ECM2: variants seen among roughly 807,000 people sequenced by gnomAD.
ECM2 encodes extracellular matrix protein 2, female organ and adipocyte specific.
Under a neutral mutation model 67.5 loss-of-function variants are expected in ECM2, and 57 were observed. That is an observed-to-expected ratio of 0.84 (90% CI 0.68 to 1.05). The LOEUF (loss-of-function observed/expected upper bound fraction) is 1.05. Ranked by LOEUF, ECM2 falls within the 50% of genes least tolerant of loss-of-function variation. The pLI is 0.00. For missense variants in ECM2, 741 were observed against 822.8 expected (o/e 0.90, Z 1.22); for synonymous variants, 258 against 294.5 (o/e 0.88, Z 1.27).
chr9:92,540,377 G>A (rs867519460), upstream of ECM2, among the ~76,000 whole-genome samples: 1 of 150,826 alleles, frequency 6.6e-6, no homozygotes, highest in East Asian at 1.9e-4. Flanking sequence ...GGCAAAGGTC[G>A]CAGTGAGTCG....
At position 92,497,988 on chromosome 9, in the gene ECM2, T is replaced by C. The variant is rs533465490; in HGVS notation, c.1932-1505A>G. ...CCTTCCACCATGAGTGGAAGCAGCC[T>C]GAAGGCCCTCACCAGATGCAGATGC... On this transcript the variant is annotated intron_variant, in intron 9 of 9. Transcript: ENST00000344604. Among the ~76,000 whole-genome samples the C allele has an allele frequency of 2.0e-3, 311 of 152,096 alleles. 3 individuals are homozygous for C. Among genetic ancestry groups the C allele is most frequent in the Middle Eastern group, 3.4e-3 (1 of 292 alleles).
the ECM2 span, among the ~76,000 whole-genome samples, chr9:92,549,221 A>G: frequency 2.0e-5 from 3 of 152,186 alleles, no homozygotes; most frequent in African/African-American, 7.2e-5. Context: ...CAGAACTAGA[A>G]TCAATGGACA....
intron 1 of ECM2, among the ~76,000 whole-genome samples, chr9:92,534,801 A>C (rs979430381): frequency 6.6e-6 from 1 of 152,186 alleles, no homozygotes; most frequent in South Asian, 2.1e-4. Flanking sequence ...GCTCTGATGG[A>C]TATCATAAGT....
At chr9:92,528,288 CT>C (rs1309671842) in intron 1 of ECM2, among the ~76,000 whole-genome samples, 1 of 152,204 alleles carries the variant, frequency 6.6e-6, no homozygotes, top group Non-Finnish European at 1.5e-5. Context: ...GACCTGCTTA[CT>C]CCCTCAAGGG....
chr9:92,557,999 T>G, the ECM2 span, among the ~76,000 whole-genome samples: 163 of 152,308 alleles, frequency 1.1e-3, 4 homozygotes, highest in East Asian at 0.028. Flanking sequence ...TATTGTTTTT[T>G]TCTTTAAGCT....
At chr9:92,512,804 A>G (rs1340123140) in intron 4 of ECM2, among the ~76,000 whole-genome samples, 1 of 152,232 alleles carries the variant, frequency 6.6e-6, no homozygotes, top group Non-Finnish European at 1.5e-5. Context: ...TTATAAAACC[A>G]TAACAGTGTA....
At chr9:92,545,038 G>A in the ECM2 span, among the ~76,000 whole-genome samples, 1 of 152,172 alleles carries the variant, frequency 6.6e-6, no homozygotes, top group Non-Finnish European at 1.5e-5. Flanking sequence ...AATTCTTAAA[G>A]CATTTAAAAG....
upstream of ECM2, among the ~76,000 whole-genome samples, chr9:92,537,916 CT>C (rs1309459323): frequency 6.6e-6 from 1 of 152,202 alleles, no homozygotes; most frequent in East Asian, 1.9e-4. Context: ...TTGAAGACCA[CT>C]GCTAATCAAA....
At chr9:92,533,328 A>AAAAAAAAAAAT (rs1554683138) in intron 1 of ECM2, among the ~76,000 whole-genome samples, 6 of 38,332 alleles carry the variant, frequency 1.6e-4, no homozygotes, top group Non-Finnish European at 2.1e-4. Context: ...AAAAAAAAAA[A>AAAAAAAAAAAT]ATATATATAT....
intron 4 of ECM2, among the ~76,000 whole-genome samples, chr9:92,513,954 T>A (rs1299392651): frequency 6.6e-6 from 1 of 152,172 alleles, no homozygotes; most frequent in East Asian, 1.9e-4. Flanking sequence ...CAGTAGGAAA[T>A]CATCATTTGA....
intron 1 of ECM2, among the ~76,000 whole-genome samples, chr9:92,525,567 A>C (rs912123436): frequency 6.6e-6 from 1 of 152,174 alleles, no homozygotes; most frequent in Non-Finnish European, 1.5e-5. Flanking sequence ...TGCTGGTATA[A>C]ACAAACCTAC....
the ECM2 span, among the ~76,000 whole-genome samples, chr9:92,555,970 T>C: frequency 6.6e-6 from 1 of 152,200 alleles, no homozygotes; most frequent in African/African-American, 2.4e-5. Flanking sequence ...TCTAGTTCCT[T>C]GAGTTGTGAC....
Position 92,517,855 on chromosome 9 carries a change from C to T in ECM2, c.313G>A (p.Val105Ile), listed in dbSNP as rs1162601782. 1 of 1,614,132 alleles carries T rather than the reference C, an allele frequency of 6.2e-7. No homozygotes were observed. Among genetic ancestry groups the T allele is most frequent in the South Asian group, 1.1e-5 (1 of 91,076 alleles). ...VLPGKKGHCLVKGITMYNKAV... is the reference protein window; with the variant it reads ...VLPGKKGHCLIKGITMYNKAV... ...TTGTTGTACATGGTTATGCCCTTTA[C>T]CAAACAGTGTCCCTTCTTTCCTAGA... is the stretch of plus-strand genomic sequence containing the variant. The change falls in exon 3 of 10, where the codon GTA becomes ATA. Residue 105 changes from valine to isoleucine, a missense_variant. Val to Ile is a conservative substitution (Grantham distance 29, BLOSUM62 3). Coordinates refer to ENST00000344604, the MANE Select transcript of ECM2 (RefSeq NM_001393.4).
the ECM2 span, among the ~76,000 whole-genome samples, chr9:92,551,042 C>CA: frequency 6.6e-6 from 1 of 152,246 alleles, no homozygotes; most frequent in South Asian, 2.1e-4. Context: ...GCCCTGGAAA[C>CA]AAAGTTATTT....
chr9:92,535,196 A>G (rs747195383), intron 1 of ECM2, among the ~76,000 whole-genome samples: 5 of 152,226 alleles, frequency 3.3e-5, no homozygotes, highest in Non-Finnish European at 7.3e-5. Context: ...CAAAATCAGT[A>G]TCTAAACAGT....
In ECM2 at chr9:92,505,515, A is replaced by G. The variant is rs777711364; in HGVS notation, c.1464+18T>C. 6.4e-7 allele frequency: 1 copy of G among 1,565,268 alleles called. No individual in the cohort carries two copies. The highest frequency in any genetic ancestry group is 8.6e-7 in the Non-Finnish European group (1 of 1,158,072). On this transcript the variant is annotated intron_variant, in intron 7 of 9. Coordinates refer to ENST00000344604, the MANE Select transcript of ECM2 (RefSeq NM_001393.4). ...TCAAATATAATACATTTAAAACACT[A>G]AAAAAATATATTGTTACCTCAATAG...
chr9:92,536,994 C>T (rs1206710660), upstream of ECM2, among the ~76,000 whole-genome samples: 9 of 151,676 alleles, frequency 5.9e-5, no homozygotes, highest in East Asian at 7.7e-4. Context: ...CTCAGCTTCC[C>T]GAGTAGGTGG....
chr9:92,515,371 C>T (rs2131211577), intron 3 of ECM2, among the ~76,000 whole-genome samples, 168 bp from the exon 4 acceptor site: 1 of 152,302 alleles, frequency 6.6e-6, no homozygotes, highest in Middle Eastern at 3.4e-3. Context: ...TTAATAGTCA[C>T]TTTATTTCTA....
At chr9:92,532,114 A>C (rs889777921) in intron 1 of ECM2, among the ~76,000 whole-genome samples, 5 of 143,584 alleles carry the variant, frequency 3.5e-5, no homozygotes, top group African/African-American at 1.4e-4. Context: ...ACCTGACTCA[A>C]CCTTTCGAGT....
Sources: gnomAD v4.1 joint callset for allele counts (sites outside exome capture counted in the v4.1 genomes callset) on GRCh38, gnomAD v4.1.1 for gene constraint, MANE v1.5 for transcripts, NCBI Gene and HGNC (gene_info 2026-07-23, HGNC 2026-07-21) for gene names.